The following MSL3B variants were observed in gnomAD, a reference collection of about 807,000 sequenced individuals.
The protein encoded by MSL3B is MSL complex subunit 3 pseudogene 1.
chr2:233,865,076 GCTTT>G, the MSL3B span, among the ~76,000 whole-genome samples: 4 of 152,076 alleles, frequency 2.6e-5, no homozygotes, highest in Non-Finnish European at 1.5e-5. Flanking sequence ...GTCTCTGTGG[GCTTT>G]CTATTAGGAT....
the MSL3B span, chr2:233,866,368 C>A: frequency 1.1e-6 from 1 of 879,326 alleles, no homozygotes; most frequent in Non-Finnish European, 1.9e-6. Flanking sequence ...GTGGAGGTGG[C>A]TGGTCACCTG....
chr2:233,865,458 G>A, the MSL3B span: 1 of 151,810 alleles, frequency 6.6e-6, no homozygotes, highest in Non-Finnish European at 1.5e-5. Flanking sequence ...AACAAGAGAG[G>A]CTTTATTTAG....
chr2:233,867,104 A>G, the MSL3B span: 31 of 976,780 alleles, frequency 3.2e-5, no homozygotes, highest in Non-Finnish European at 5.0e-5. Context: ...AAGTTGCACT[A>G]ACCGTTTCCT....
chr2:233,867,365 CAG>C, the MSL3B span: 1 of 591,638 alleles, frequency 1.7e-6, no homozygotes, highest in African/African-American at 1.9e-5. Context: ...TAAAAAAAGA[CAG>C]AGTCAGCACC....
chr2:233,867,509 ATTG>A, the MSL3B span: 2 of 313,024 alleles, frequency 6.4e-6, no homozygotes, highest in Non-Finnish European at 1.2e-5. Flanking sequence ...GAGTTTCGGT[ATTG>A]TTGCCCAGGA....
chr2:233,865,083 A>G, the MSL3B span, among the ~76,000 whole-genome samples: 85,266 of 152,108 alleles, frequency 0.56, 24,273 homozygotes, highest in East Asian at 0.73. Context: ...TGGGCTTTCT[A>G]TTAGGATCAC....
At chr2:233,866,815 T>C in the MSL3B span, 60 of 943,486 alleles carry the variant, frequency 6.4e-5, 1 homozygote, top group South Asian at 7.1e-4. Flanking sequence ...TTTCCTTAAT[T>C]GCAAGAAAAA....
At chr2:233,864,855 G>A in the MSL3B span, among the ~76,000 whole-genome samples, 2 of 152,172 alleles carry the variant, frequency 1.3e-5, no homozygotes, top group Non-Finnish European at 2.9e-5. Flanking sequence ...TCTTAGCCTT[G>A]TGACATACCT....
the MSL3B span, chr2:233,866,030 G>T: frequency 2.5e-6 from 1 of 392,286 alleles, no homozygotes; most frequent in Non-Finnish European, 4.9e-6. Flanking sequence ...TGGGCACTTT[G>T]TTTTGTGCTC....
the MSL3B span, chr2:233,868,211 C>T: frequency 4.4e-6 from 2 of 454,708 alleles, no homozygotes; most frequent in Non-Finnish European, 9.1e-6. Context: ...TTCGCCTTTC[C>T]CAACAATAAC....
At chr2:233,867,346 G>C in the MSL3B span, 1 of 625,868 alleles carries the variant, frequency 1.6e-6, no homozygotes, top group East Asian at 2.8e-5. Context: ...CTTCGATGGA[G>C]AGGCCTTTTA....
the MSL3B span, chr2:233,867,030 C>G: frequency 8.0e-7 from 1 of 1,257,280 alleles, no homozygotes; most frequent in Admixed American, 1.7e-5. Context: ...GCTGAAAAGG[C>G]TGCACTGATA....
chr2:233,866,991 T>G, the MSL3B span: 189 of 1,310,806 alleles, frequency 1.4e-4, 3 homozygotes, highest in South Asian at 2.1e-3. Context: ...GCATGTGGCA[T>G]AGCGTGATGG....
chr2:233,867,810 T>G, the MSL3B span, among the ~76,000 whole-genome samples: 1,399 of 125,962 alleles, frequency 0.011, 3 homozygotes, highest in East Asian at 0.03. Context: ...TTTTTTTTTT[T>G]GAGACAGAGT....
chr2:233,867,452 G>A, the MSL3B span: 26 of 412,510 alleles, frequency 6.3e-5, no homozygotes, highest in African/African-American at 4.6e-4. Flanking sequence ...AATTTATGCT[G>A]TAATCTACGA....
At chr2:233,865,230 G>C in the MSL3B span, among the ~76,000 whole-genome samples, 9,594 of 152,220 alleles carry the variant, frequency 0.063, 377 homozygotes, top group Middle Eastern at 0.12. Context: ...CAATAAATAT[G>C]TGGGTTAGTT....
chr2:233,866,981 G>C, the MSL3B span: 1 of 1,322,404 alleles, frequency 7.6e-7, no homozygotes, highest in Non-Finnish European at 1.1e-6. Context: ...GTTCATGCTG[G>C]CATGTGGCAT....
the MSL3B span, chr2:233,866,387 T>C: frequency 5.1e-6 from 5 of 974,420 alleles, no homozygotes; most frequent in South Asian, 1.3e-5. Context: ...TGGTGGGTAA[T>C]TGTCAGGTAC....
chr2:233,868,273 A>G, the MSL3B span: 1 of 349,284 alleles, frequency 2.9e-6, no homozygotes, highest in Non-Finnish European at 6.0e-6. Flanking sequence ...ACGGGAGCCT[A>G]CGCGGCACCA....
Sources: gnomAD v4.1 joint callset for allele counts (sites outside exome capture counted in the v4.1 genomes callset) on GRCh38, gnomAD v4.1.1 for gene constraint, MANE v1.5 for transcripts, NCBI Gene and HGNC (gene_info 2026-07-23, HGNC 2026-07-21) for gene names.